Variants in BTG2 observed in about 807,000 individuals in gnomAD.
The protein encoded by BTG2 is BTG anti-proliferation factor 2, also known as protein BTG2.
BTG2 carries 9 observed loss-of-function variants against 13.1 expected under a neutral mutation model. The observed-to-expected ratio is 0.69, with a 90% CI of 0.41 to 1.20. The LOEUF (loss-of-function observed/expected upper bound fraction) is 1.20. BTG2 is among the 50% of genes most tolerant of loss of function. BTG2 has a pLI of 0.00. For missense variants in BTG2, 200 were observed against 209.5 expected (o/e 0.95, Z 0.28); for synonymous variants, 92 against 88.6 (o/e 1.04, Z -0.21).
In BTG2 at chr1:203,307,459, G is replaced by C; in HGVS notation, c.*21G>C. 5 of 1,551,002 alleles carry C rather than the reference G, an allele frequency of 3.2e-6. No homozygotes were observed. The highest frequency in any genetic ancestry group is 3.5e-6 in the Non-Finnish European group (4 of 1,145,624). ...GCTAGGCCCTTCCGCCCCCGCCCTG[G>C]GCGCCGCCGTGCTCATGCTGCCGTG... On this transcript the variant is annotated 3_prime_UTR_variant, in exon 2 of 2. Transcript: ENST00000290551.
In BTG2 at chr1:203,307,293, A is replaced by G; in HGVS notation, c.332A>G (p.Tyr111Cys). 1.2e-6 allele frequency: 2 copies of G among 1,614,154 alleles called. No individual in the cohort carries two copies. The highest frequency in any genetic ancestry group is 1.1e-5 in the South Asian group (1 of 91,086). ...TLWVDPYEVS[Y>C]RIGEDGSICV... ...TGGGTGGACCCCTATGAGGTGTCCTACCGCATTGGGGAGGACGGCTCCATC... is the reference window on the plus strand; with the variant it reads ...TGGGTGGACCCCTATGAGGTGTCCTGCCGCATTGGGGAGGACGGCTCCATC... The change falls in exon 2 of 2, where the codon TAC (tyrosine) becomes TGC (cysteine). Residue 111 changes from tyrosine (Y) to cysteine (C), a missense_variant. Physicochemically the swap from Tyr to Cys is radical, Grantham distance 194. Coordinates refer to ENST00000290551, the MANE Select transcript of BTG2 (RefSeq NM_006763.3).
chr1:203,308,958 G>C lies in BTG2; in HGVS notation c.*1520G>C, dbSNP rs993294068. 4 of 152,612 alleles carry C rather than the reference G, an allele frequency of 2.6e-5. No individual in the cohort carries two copies. Among genetic ancestry groups the C allele is most frequent in the African/African-American group, 9.7e-5 (4 of 41,430 alleles). The allele number at this position is 152,612 out of a possible 1,614,324, so 9.5% of individuals were successfully genotyped here. A position where few individuals can be genotyped will look rare whatever the true frequency, so the allele number is the denominator to read the frequency against. The stretch of plus-strand genomic sequence containing the variant: ...ATCACCTTAAGAAGGACAGGGCTAG[G>C]GCATTTGGCCAGGATGGCCACCCTC... On this transcript the variant is annotated 3_prime_UTR_variant, in exon 2 of 2. Coordinates refer to ENST00000290551, the MANE Select transcript of BTG2 (RefSeq NM_006763.3).
At chr1:203,306,765 GA>G (rs1658283080) in intron 1 of BTG2, among the ~76,000 whole-genome samples, 1 of 151,534 alleles carries the variant, frequency 6.6e-6, no homozygotes, top group South Asian at 2.1e-4. Flanking sequence ...GGCCACTAGA[GA>G]GTACCCTAGA....
intron 1 of BTG2, among the ~76,000 whole-genome samples, chr1:203,305,975 A>G (rs1177636748): frequency 1.3e-5 from 2 of 150,174 alleles, no homozygotes; most frequent in Admixed American, 6.6e-5. Flanking sequence ...GCGCCCCTCT[A>G]CGCTCTCGGA....
intron 1 of BTG2, 62 bp from the exon 2 acceptor site, chr1:203,307,042 T>C (rs749660551): frequency 2.1e-5 from 30 of 1,452,292 alleles, no homozygotes; most frequent in Non-Finnish European, 2.6e-5. Context: ...CCCCGCCCTA[T>C]GGTAGTATCC....
Position 203,307,352 on chromosome 1 carries a change from T to G in BTG2, c.391T>G (p.Ser131Ala). The G allele has an allele frequency of 1.2e-6, 2 of 1,613,552 alleles. No individual in the cohort carries two copies. The highest frequency in any genetic ancestry group is 2.2e-5 in the South Asian group (2 of 91,082). The change falls in exon 2 of 2, where the codon TCC becomes GCC. Residue 131 changes from serine to alanine, a missense_variant. Physicochemically the swap from Ser to Ala is moderately conservative, Grantham distance 99. Transcript: ENST00000290551. ...VLYEEAPLAA[S>A]CGLLTCKNQV... ...GTACGAGGAGGCCCCACTGGCCGCC[T>G]CCTGTGGGCTCCTCACCTGCAAGAA... is the stretch of plus-strand genomic sequence containing the variant.
Position 203,307,098 on chromosome 1 carries a change from C to T in BTG2, c.143-6C>T. The T allele has an allele frequency of 6.2e-7, 1 of 1,613,032 alleles. No homozygotes were observed. Among genetic ancestry groups the T allele is most frequent in the Non-Finnish European group, 8.5e-7 (1 of 1,179,262 alleles). On this transcript the variant is annotated splice_region_variant and splice_polypyrimidine_tract_variant and intron_variant, in intron 1 of 1. Transcript: ENST00000290551. ...AGGGCATCTGCCCCTGGTCCTGTCT[C>T]CACAGAGCACTACAAACACCACTGG...
In BTG2 at chr1:203,306,882, A is replaced by C. The variant is rs1358272531; in HGVS notation, c.143-222A>C. Among the ~76,000 whole-genome samples the C allele has an allele frequency of 2.7e-5, 4 of 149,214 alleles. No individual in the cohort carries two copies. The East Asian group carries it at 7.7e-4, about 29-fold the overall frequency. On this transcript the variant is annotated intron_variant, in intron 1 of 1. Transcript: ENST00000290551. ...CACACACACACACACACACTCTCTCACATACACTTGTCCTGGAAGCAGGAA... is the reference window on the plus strand; with the variant it reads ...CACACACACACACACACACTCTCTCCCATACACTTGTCCTGGAAGCAGGAA...
rs1658325255 is a variant in BTG2, at chr1:203,308,566, G to C, written c.*1128G>C. 1 of 152,636 alleles carries C rather than the reference G, an allele frequency of 6.6e-6. No homozygotes were observed. Among genetic ancestry groups the C allele is most frequent in the South Asian group, 2.1e-4 (1 of 4,826 alleles). The allele number at this position is 152,636 out of a possible 1,614,324, so 9.5% of individuals were successfully genotyped here. On this transcript the variant is annotated 3_prime_UTR_variant, in exon 2 of 2. Transcript: ENST00000290551. ...GGCTATCAGAACCTCCTGATGCCCT[G>C]GTGGGCTTAGGGAACCATCTCTCCT...
At chr1:203,306,996 G>C (rs1310706863) in intron 1 of BTG2, 108 bp from the exon 2 acceptor site, 1 of 911,072 alleles carries the variant, frequency 1.1e-6, no homozygotes, top group East Asian at 2.6e-5. Flanking sequence ...CTTACTTAAA[G>C]GGCCCCTTTC....
At position 203,305,780 on chromosome 1, in the gene BTG2, G is replaced by C. The variant is rs756003273; in HGVS notation, c.142+32G>C. On this transcript the variant is annotated intron_variant, in intron 1 of 1. Transcript: ENST00000290551. ...GCATGCCGAGGGGCCTGGCGCCACCGGGGGTCGGCCCCATCCCTGCCAGGG... is the reference window on the plus strand; with the variant it reads ...GCATGCCGAGGGGCCTGGCGCCACCCGGGGTCGGCCCCATCCCTGCCAGGG... 1.3e-5 allele frequency: 20 copies of C among 1,534,020 alleles called. No homozygotes were observed. The Admixed American group carries it at 4.1e-4, about 31-fold the overall frequency.
rs905172671 is a variant in BTG2 at position 203,309,169 on chromosome 1, T to C, written c.*1731T>C. The C allele has an allele frequency of 3.3e-5, 5 of 152,706 alleles. No homozygotes were observed. The highest frequency in any genetic ancestry group is 7.3e-5 in the Non-Finnish European group (5 of 68,070). The allele number at this position is 152,706 out of a possible 1,614,324, so 9.5% of individuals were successfully genotyped here. ...CTCCTTTTCAACTCTCCACATTTTG[T>C]ATTGCCTTCCCAGACCTGCTTCCAG... On this transcript the variant is annotated 3_prime_UTR_variant, in exon 2 of 2. Coordinates refer to ENST00000290551, the MANE Select transcript of BTG2 (RefSeq NM_006763.3).
chr1:203,306,969 C>G (rs1658293127), intron 1 of BTG2, 135 bp from the exon 2 acceptor site: 5 of 719,446 alleles, frequency 6.9e-6, no homozygotes, highest in Non-Finnish European at 1.1e-5. Flanking sequence ...TCCTAGAACT[C>G]AGAGGAATCC....
chr1:203,305,579 C>T lies in BTG2; in HGVS notation c.-28C>T, dbSNP rs376663776. 271 of 1,596,160 alleles carry T rather than the reference C, an allele frequency of 1.7e-4. 1 individual carries two copies. Among genetic ancestry groups the T allele is most frequent in the South Asian group, 6.4e-4 (57 of 88,804 alleles). On this transcript the variant is annotated 5_prime_UTR_variant, in exon 1 of 2. Coordinates refer to ENST00000290551, the MANE Select transcript of BTG2 (RefSeq NM_006763.3). Reference sequence around the variant, plus strand: ...TGGACCCGCACTTCCCACCCGAGACCTCTCACTGAGCCCGAGCCGCGCGCG... The same window carrying T: ...TGGACCCGCACTTCCCACCCGAGACTTCTCACTGAGCCCGAGCCGCGCGCG...
intron 1 of BTG2, 35 bp from the exon 2 acceptor site, chr1:203,307,069 A>C (rs1658295903): frequency 6.3e-7 from 1 of 1,578,642 alleles, no homozygotes; most frequent in Admixed American, 1.7e-5. Flanking sequence ...TAGCTGCTCT[A>C]ACCAGGGCAT....
At position 203,307,303 on chromosome 1, in the gene BTG2, G is replaced by A. The variant is rs1368485709; in HGVS notation, c.342G>A (p.Gly114=). 1 of 1,614,192 alleles carries A rather than the reference G, an allele frequency of 6.2e-7. No homozygotes were observed. The highest frequency in any genetic ancestry group is 2.2e-5 in the East Asian group (1 of 44,884). Residue 114 remains glycine (G), a synonymous_variant, in exon 2 of 2, where the codon GGG becomes GGA. Coordinates refer to ENST00000290551, the MANE Select transcript of BTG2 (RefSeq NM_006763.3). ...CCTATGAGGTGTCCTACCGCATTGG[G>A]GAGGACGGCTCCATCTGCGTCTTGT... ...VDPYEVSYRI[G]EDGSICVLYE... is the part of the protein sequence containing the mutation.
chr1:203,306,800 GCA>G (rs34485564), intron 1 of BTG2, among the ~76,000 whole-genome samples: 46,036 of 142,666 alleles, frequency 0.32, 8,359 homozygotes, highest in Non-Finnish European at 0.42. Context: ...CTCCCAACAC[GCA>G]CACACACACA....
intron 1 of BTG2, among the ~76,000 whole-genome samples, chr1:203,306,552 C>T (rs547354698): frequency 1.4e-4 from 21 of 152,198 alleles, no homozygotes; most frequent in African/African-American, 5.1e-4. Context: ...TTAGGCACTG[C>T]TAAGGAAGGT....
rs745592014 is a variant in BTG2 at position 203,305,779 on chromosome 1, C to T, written c.142+31C>T. 6 of 1,534,470 alleles carry T rather than the reference C, an allele frequency of 3.9e-6. No individual in the cohort carries two copies. In the South Asian group the frequency reaches 7.3e-5, roughly 19 times the overall value. ...CGCATGCCGAGGGGCCTGGCGCCACCGGGGGTCGGCCCCATCCCTGCCAGG... is the reference window on the plus strand; with the variant it reads ...CGCATGCCGAGGGGCCTGGCGCCACTGGGGGTCGGCCCCATCCCTGCCAGG... On this transcript the variant is annotated intron_variant, in intron 1 of 1. Coordinates refer to ENST00000290551, the MANE Select transcript of BTG2 (RefSeq NM_006763.3).
Sources: allele counts gnomAD v4.1 joint callset (sites outside exome capture counted in the v4.1 genomes callset), GRCh38; gene constraint gnomAD v4.1.1; transcripts MANE v1.5; gene names NCBI Gene and HGNC (gene_info 2026-07-23, HGNC 2026-07-21).